The following ARHGAP15 variants were observed in gnomAD, a reference collection of about 807,000 sequenced individuals.
ARHGAP15 encodes rho GTPase-activating protein 15.
A neutral mutation model predicts 63.7 loss-of-function variants in ARHGAP15; 51 were observed. That is an observed-to-expected ratio of 0.80 (90% CI 0.64 to 1.01). ARHGAP15 has a LOEUF of 1.01. Ranked by LOEUF, ARHGAP15 falls within the 50% of genes least tolerant of loss-of-function variation. ARHGAP15 has a pLI of 0.00. For missense variants in ARHGAP15, 560 were observed against 564.6 expected (o/e 0.99, Z 0.08); for synonymous variants, 191 against 193.8 (o/e 0.99, Z 0.12).
At chr2:143,149,771 T>A (rs1689740427) in intron 1 of ARHGAP15, among the ~76,000 whole-genome samples, 1 of 151,992 alleles carries the variant, frequency 6.6e-6, no homozygotes, top group Non-Finnish European at 1.5e-5. Context: ...TCAAAGACAT[T>A]TTCTTCTTTG....
At chr2:143,258,252 CAT>C (rs71301731) in intron 6 of ARHGAP15, among the ~76,000 whole-genome samples, 4 of 150,632 alleles carry the variant, frequency 2.7e-5, no homozygotes, top group African/African-American at 7.3e-5. Context: ...AGAAAAAATA[CAT>C]ATATATATAT....
intron 4 of ARHGAP15, among the ~76,000 whole-genome samples, chr2:143,218,619 C>G (rs1250441088): frequency 6.6e-6 from 1 of 152,078 alleles, no homozygotes; most frequent in Non-Finnish European, 1.5e-5. Context: ...TTTCTTACTA[C>G]TTTCATTCAA....
intron 6 of ARHGAP15, among the ~76,000 whole-genome samples, chr2:143,370,358 GA>G: frequency 6.6e-6 from 1 of 150,488 alleles, no homozygotes; most frequent in African/African-American, 2.4e-5. Flanking sequence ...TGGGGTGGGG[GA>G]AGGGGGGAGG....
chr2:143,658,972 G>A (rs557318129), intron 12 of ARHGAP15, among the ~76,000 whole-genome samples: 2 of 152,276 alleles, frequency 1.3e-5, no homozygotes, highest in East Asian at 3.9e-4. Flanking sequence ...GAAAGAGAAG[G>A]AGAAGAATAG....
At chr2:143,337,737 CAT>C (rs978213365) in intron 6 of ARHGAP15, among the ~76,000 whole-genome samples, 37 of 151,608 alleles carry the variant, frequency 2.4e-4, no homozygotes, top group African/African-American at 9.0e-4. Context: ...AAATATCAAA[CAT>C]AAAAAAAAAG....
At chr2:143,144,136 G>A (rs1386594078) in intron 1 of ARHGAP15, among the ~76,000 whole-genome samples, 1 of 151,974 alleles carries the variant, frequency 6.6e-6, no homozygotes, top group Non-Finnish European at 1.5e-5. Context: ...TAGTGTATAT[G>A]TACCACATTT....
chr2:143,466,919 A>T (rs1017016994), intron 8 of ARHGAP15, among the ~76,000 whole-genome samples: 2 of 152,140 alleles, frequency 1.3e-5, no homozygotes, highest in African/African-American at 4.8e-5. Flanking sequence ...CATTCCAAAC[A>T]CAAAAATGAG....
At chr2:143,446,839 T>C (rs577553719) in intron 8 of ARHGAP15, among the ~76,000 whole-genome samples, 1 of 143,438 alleles carries the variant, frequency 7.0e-6, no homozygotes, top group East Asian at 2.1e-4. Flanking sequence ...CCATGTGTTC[T>C]CATTGTTCAG....
At chr2:143,692,803 C>G (rs965872995) in intron 12 of ARHGAP15, among the ~76,000 whole-genome samples, 1 of 152,142 alleles carries the variant, frequency 6.6e-6, no homozygotes, top group Admixed American at 6.5e-5. Context: ...GTCTCTGCAA[C>G]AGAAACTGTT....
chr2:143,404,172 T>C (rs543192369), intron 6 of ARHGAP15, among the ~76,000 whole-genome samples: 2 of 151,972 alleles, frequency 1.3e-5, no homozygotes, highest in South Asian at 2.1e-4. Flanking sequence ...TAGAATATAC[T>C]GATGATTCTG....
At chr2:143,242,798 T>A (rs1693913177) in intron 5 of ARHGAP15, among the ~76,000 whole-genome samples, 1 of 152,202 alleles carries the variant, frequency 6.6e-6, no homozygotes, top group Non-Finnish European at 1.5e-5. Context: ...TCAGCCCTCT[T>A]TCCTAAATCA....
intron 1 of ARHGAP15, among the ~76,000 whole-genome samples, chr2:143,146,191 T>C (rs918883422): frequency 6.6e-6 from 1 of 151,894 alleles, no homozygotes; most frequent in Non-Finnish European, 1.5e-5. Context: ...TGGGAAATGA[T>C]AACTATTGCA....
intron 3 of ARHGAP15, among the ~76,000 whole-genome samples, chr2:143,212,164 T>C (rs1692587005): frequency 6.6e-6 from 1 of 152,214 alleles, no homozygotes; most frequent in Non-Finnish European, 1.5e-5. Flanking sequence ...TGTGTGTATG[T>C]ACAGTTAACA....
chr2:143,588,458 T>A (rs1253896847), intron 11 of ARHGAP15, among the ~76,000 whole-genome samples: 2 of 152,174 alleles, frequency 1.3e-5, no homozygotes, highest in Non-Finnish European at 2.9e-5. Context: ...CTGCATTTAA[T>A]GACCTGTCCT....
chr2:143,358,130 G>A (rs1454227494), intron 6 of ARHGAP15, among the ~76,000 whole-genome samples: 1 of 152,208 alleles, frequency 6.6e-6, no homozygotes, highest in South Asian at 2.1e-4. Flanking sequence ...TGCTGCAGGC[G>A]ATGCAGGTTG....
intron 2 of ARHGAP15, among the ~76,000 whole-genome samples, chr2:143,163,492 A>G (rs897958508): frequency 4.6e-5 from 7 of 151,820 alleles, no homozygotes; most frequent in Non-Finnish European, 1.0e-4. Context: ...ACCTATTTTT[A>G]TGTTCCAGGA....
intron 8 of ARHGAP15, among the ~76,000 whole-genome samples, chr2:143,481,278 A>G (rs1692069350): frequency 6.6e-6 from 1 of 152,126 alleles, no homozygotes; most frequent in Admixed American, 6.6e-5. Flanking sequence ...CTCAATGTCA[A>G]ACCTCACCGA....
intron 6 of ARHGAP15, among the ~76,000 whole-genome samples, chr2:143,296,870 G>GT (rs1682655114): frequency 6.6e-6 from 1 of 151,716 alleles, no homozygotes; most frequent in African/African-American, 2.4e-5. Flanking sequence ...CTTTGTGTTC[G>GT]TAAGTTCTTA....
intron 11 of ARHGAP15, among the ~76,000 whole-genome samples, chr2:143,580,951 A>G (rs1362130551): frequency 6.6e-6 from 1 of 152,152 alleles, no homozygotes; most frequent in African/African-American, 2.4e-5. Context: ...AGCACTTCCT[A>G]TGGGCTAGGT....
Sources: gnomAD v4.1 joint callset for allele counts (sites outside exome capture counted in the v4.1 genomes callset) on GRCh38, gnomAD v4.1.1 for gene constraint, MANE v1.5 for transcripts, NCBI Gene and HGNC (gene_info 2026-07-23, HGNC 2026-07-21) for gene names.